The following HIVEP2 variants were observed in gnomAD, a reference collection of about 807,000 sequenced individuals.
HIVEP2 encodes HIVEP zinc finger 2.
A neutral mutation model predicts 180.7 loss-of-function variants in HIVEP2; 14 were observed. The observed-to-expected ratio is 0.08, with a 90% CI of 0.05 to 0.12. The LOEUF (loss-of-function observed/expected upper bound fraction) is 0.12, where lower values mean the gene tolerates loss of function less well. Among genes scored for constraint, HIVEP2 ranks in the 10% least tolerant of loss-of-function variants. HIVEP2 has a pLI of 1.00. For missense variants in HIVEP2, 2,579 were observed against 3,008.5 expected (o/e 0.86, Z 3.34); for synonymous variants, 1,184 against 1,136.4 (o/e 1.04, Z -0.84).
rs988380170 is a variant in HIVEP2 at position 142,898,386 on chromosome 6, G to A, written c.-641+46713C>T. On this transcript the variant is annotated intron_variant, in intron 1 of 9. Transcript: ENST00000367603. ...CTAAAATGTAGGTCACACAGGCCGC[G>A]CGCAGTGGCTCACACCTGTAATCCC... Among the ~76,000 whole-genome samples the A allele has an allele frequency of 6.6e-5, 10 of 152,118 alleles. No individual in the cohort carries two copies. In the East Asian group the frequency reaches 1.2e-3, roughly 18 times the overall value.
In HIVEP2 at chr6:142,768,530, G is replaced by T; in HGVS notation, c.5194C>A (p.Pro1732Thr). 1.2e-6 allele frequency: 2 copies of T among 1,612,862 alleles called. No individual in the cohort carries two copies. Among genetic ancestry groups the T allele is most frequent in the Non-Finnish European group, 1.7e-6 (2 of 1,179,506 alleles). Residue 1732 changes from proline (P) to threonine (T), a missense_variant, in exon 6 of 10, where the codon CCT becomes ACT. Coordinates refer to ENST00000367603, the MANE Select transcript of HIVEP2 (RefSeq NM_006734.4). ...SAWKQFTQMK[P>T]DASFLFGSKL... is the part of the protein sequence containing the mutation. ...CTGCCAAATAAAAAGGACGCATCAG[G>T]TTTCATCTGTAAGACAAGAAGAGAG...
Position 142,774,349 on chromosome 6 carries a change from C to G in HIVEP2, c.390G>C (p.Leu130Phe). The change falls in exon 5 of 10, where the codon TTG (leucine) becomes TTC (phenylalanine). Residue 130 changes from leucine (L) to phenylalanine (F), a missense_variant. Around this residue, in one of 11 missense-constraint regions of HIVEP2, gnomAD observed 207 missense variants for 210.1 expected, o/e 0.99. Coordinates refer to ENST00000367603, the MANE Select transcript of HIVEP2 (RefSeq NM_006734.4). The surrounding 1 kb of genome is among the most constrained non-coding windows in gnomAD (Gnocchi z 5.1). The stretch of plus-strand genomic sequence containing the variant: ...ATAAGTCCTCAGAGGCAACGGATGG[C>G]AAAGGGCCAGGGAAAAGCCACGGAG... The part of the protein sequence containing the change: ...EGPPWLFPGP[L>F]PSVASEDLFP... 6.2e-7 allele frequency: 1 copy of G among 1,614,180 alleles called. No individual in the cohort carries two copies.
rs1562492545 is a variant in HIVEP2 at position 142,753,050 on chromosome 6, A to G, written c.*57T>C. 8.9e-7 allele frequency: 1 copy of G among 1,119,670 alleles called. No individual in the cohort carries two copies. The allele number at this position is 1,119,670 out of a possible 1,614,324, so 69.4% of individuals were successfully genotyped here. ...AAACTGGATTACCTCCATTTCTAGA[A>G]AAACAAAAACAAAAAAATGGGAAAA... On this transcript the variant is annotated 3_prime_UTR_variant, in exon 10 of 10. Coordinates refer to ENST00000367603, the MANE Select transcript of HIVEP2 (RefSeq NM_006734.4).
intron 2 of HIVEP2, among the ~76,000 whole-genome samples, chr6:142,825,133 A>G (rs1367544593): frequency 6.6e-6 from 1 of 152,236 alleles, no homozygotes; most frequent in Non-Finnish European, 1.5e-5. Context: ...AGAAGCTTAG[A>G]GGAAGGATAT....
intron 1 of HIVEP2, among the ~76,000 whole-genome samples, chr6:142,919,124 A>C (rs538865302): frequency 1.3e-5 from 2 of 152,280 alleles, no homozygotes; most frequent in African/African-American, 4.8e-5. Flanking sequence ...ATTCCAGTAT[A>C]TTTTCAGTGT....
intron 2 of HIVEP2, among the ~76,000 whole-genome samples, chr6:142,819,103 G>A (rs1776954022): frequency 6.6e-6 from 1 of 152,028 alleles, no homozygotes; most frequent in South Asian, 2.1e-4. Flanking sequence ...GCATGGTGGT[G>A]TGCACCTGTA....
chr6:142,847,086 TA>T (rs1562262494), intron 1 of HIVEP2, among the ~76,000 whole-genome samples: 1 of 152,190 alleles, frequency 6.6e-6, no homozygotes, highest in Non-Finnish European at 1.5e-5. Context: ...ATCCACCCTG[TA>T]CCTCAGGGTT....
At chr6:142,870,399 T>C (rs1337782086) in intron 1 of HIVEP2, among the ~76,000 whole-genome samples, 1 of 152,156 alleles carries the variant, frequency 6.6e-6, no homozygotes, top group Non-Finnish European at 1.5e-5. Flanking sequence ...AAGAACTTTA[T>C]AAACTGCCAG....
rs552512012 is a variant in HIVEP2 at position 142,914,523 on chromosome 6, AACAG to A, written c.-641+30572_-641+30575del. On this transcript the variant is annotated intron_variant, in intron 1 of 9. Transcript: ENST00000367603. ...TGACTCTGAAAATGGGCAGAGTCAT[AACAG>A]ACAATCAACACATTTTTACTCATAA... 2.1e-4 allele frequency among the ~76,000 whole-genome samples: 32 copies of A among 152,356 alleles called. No homozygotes were observed. The South Asian group carries it at 6.6e-3, about 32-fold the overall frequency.
At chr6:142,923,746 C>T (rs886283038) in intron 1 of HIVEP2, among the ~76,000 whole-genome samples, 2 of 152,172 alleles carry the variant, frequency 1.3e-5, no homozygotes, top group Non-Finnish European at 2.9e-5. Context: ...CACATGCCCA[C>T]AAAGCCAGCC....
chr6:142,881,522 T>C (rs1029935670), intron 1 of HIVEP2, among the ~76,000 whole-genome samples: 4 of 152,130 alleles, frequency 2.6e-5, no homozygotes, highest in African/African-American at 9.7e-5. Context: ...GGCAATCAGA[T>C]AGTGTCATCT....
Position 142,771,277 on chromosome 6 carries a change from G to A in HIVEP2, c.3462C>T (p.Ala1154=). Reference sequence around the variant, plus strand: ...TGTCCATGTGCATGATCTGTGGCTGGGCCAGGTGCAGTGGCCCCGAGCTCA... The same window carrying A: ...TGTCCATGTGCATGATCTGTGGCTGAGCCAGGTGCAGTGGCCCCGAGCTCA... The part of the protein sequence containing the change: ...PPLSSGPLHL[A]QPQIMHMDSQ... Residue 1154 remains alanine, a synonymous_variant, in exon 5 of 10, where the codon GCC becomes GCT. Coordinates refer to ENST00000367603, the MANE Select transcript of HIVEP2 (RefSeq NM_006734.4). This position sits in a 1 kb window ranked among gnomAD's most constrained non-coding sequence, Gnocchi z 5.4. 6.2e-7 allele frequency: 1 copy of A among 1,613,780 alleles called. No homozygotes were observed. Among genetic ancestry groups the A allele is most frequent in the Middle Eastern group, 1.6e-4 (1 of 6,062 alleles).
At chr6:142,920,779 C>T (rs1777665189) in intron 1 of HIVEP2, among the ~76,000 whole-genome samples, 1 of 151,876 alleles carries the variant, frequency 6.6e-6, no homozygotes, top group Non-Finnish European at 1.5e-5. Flanking sequence ...CCCAGGAGTT[C>T]CAGATCAGCC....
chr6:142,899,990 A>T (rs545937794), intron 1 of HIVEP2, among the ~76,000 whole-genome samples: 37 of 152,340 alleles, frequency 2.4e-4, no homozygotes, highest in African/African-American at 8.7e-4. Flanking sequence ...AGAGAAATCT[A>T]TTAAGGTCTA....
At chr6:142,940,680 C>A (rs987350189) in intron 1 of HIVEP2, among the ~76,000 whole-genome samples, 1 of 151,194 alleles carries the variant, frequency 6.6e-6, no homozygotes, top group African/African-American at 2.5e-5. Flanking sequence ...TTATACCCTG[C>A]GTGTCTAGCA....
Position 142,770,280 on chromosome 6 carries a change from G to C in HIVEP2, c.4459C>G (p.Leu1487Val), listed in dbSNP as rs761669578. 2 of 1,614,170 alleles carry C rather than the reference G, an allele frequency of 1.2e-6. No homozygotes were observed. The highest frequency in any genetic ancestry group is 2.7e-5 in the African/African-American group (2 of 75,058). ...AGCTGGGGTTTCTGGGGGCGGGAGA[G>C]GTCCTTTTTGATGTCTGAGTTGGTC... Reference protein sequence around the residue: ...ELTNSDIKKDLSRPQKPQLVR... With the variant: ...ELTNSDIKKDVSRPQKPQLVR... Residue 1487 changes from leucine to valine, a missense_variant, in exon 5 of 10, where the codon CTC becomes GTC. Transcript: ENST00000367603. The surrounding 1 kb of genome is among the most constrained non-coding windows in gnomAD (Gnocchi z 4.7).
intron 1 of HIVEP2, among the ~76,000 whole-genome samples, chr6:142,875,993 AG>A (rs1463888386): frequency 2.0e-5 from 3 of 152,168 alleles, no homozygotes; most frequent in Non-Finnish European, 4.4e-5. Flanking sequence ...AGAAGATAGG[AG>A]GATTTAGATA....
At chr6:142,765,871 C>T (rs765258280) in intron 6 of HIVEP2, among the ~76,000 whole-genome samples, 5 of 152,090 alleles carry the variant, frequency 3.3e-5, no homozygotes, top group Non-Finnish European at 5.9e-5. Context: ...TAGTAGTATA[C>T]GGACTAATTC....
chr6:142,813,993 T>C (rs967368084), intron 2 of HIVEP2, among the ~76,000 whole-genome samples: 7 of 151,958 alleles, frequency 4.6e-5, no homozygotes, highest in African/African-American at 1.2e-4. Context: ...TCAGAGTCTA[T>C]GGTCTAGAGC....
Sources: gnomAD v4.1 joint callset for allele counts (sites outside exome capture counted in the v4.1 genomes callset) on GRCh38, gnomAD v4.1.1 for gene constraint, gnomAD v4.1.1 regional missense constraint, Gnocchi (gnomAD v3.1) non-coding constraint, MANE v1.5 for transcripts, NCBI Gene and HGNC (gene_info 2026-07-23, HGNC 2026-07-21) for gene names.